RYR2: variants seen among roughly 807,000 people sequenced by gnomAD.
The protein encoded by RYR2 is cardiac muscle ryanodine receptor-calcium release channel.
In RYR2, 227 loss-of-function variants were observed where a neutral mutation model predicts 601.1. The ratio of observed to expected loss-of-function variants is 0.38; its 90% confidence interval spans 0.34 to 0.42. The LOEUF is 0.42. Among genes scored for constraint, RYR2 ranks in the 10% least tolerant of loss-of-function variants. The pLI is 1.00. For missense variants in RYR2, 4,646 were observed against 6,156.5 expected, an observed-to-expected ratio of 0.75 and a Z score of 8.21; for synonymous variants, 2,223 against 2,175.1, an observed-to-expected ratio of 1.02 and a Z score of -0.61.
chr1:237,657,043 G>C (rs1021748532), intron 53 of RYR2, among the ~76,000 whole-genome samples: 15 of 152,118 alleles, frequency 9.9e-5, no homozygotes, highest in South Asian at 2.1e-4. Flanking sequence ...TCATGGTTTT[G>C]GTGTTGGTTG....
intron 4 of RYR2, among the ~76,000 whole-genome samples, chr1:237,363,311 C>T (rs144605810): frequency 4.3e-4 from 66 of 152,128 alleles, no homozygotes; most frequent in African/African-American, 1.5e-3. Flanking sequence ...GGTAACTAAA[C>T]AGCCTGTATT....
Position 237,638,478 on chromosome 1 carries a change from C to T in RYR2, c.6914C>T (p.Ala2305Val), listed in dbSNP as rs1573267897. Residue 2305 changes from alanine to valine, a missense_variant, in exon 45 of 105, where the codon GCT becomes GTT. By Grantham distance (64) the Ala-to-Val change is moderately conservative (BLOSUM62 0). Coordinates refer to ENST00000366574, the MANE Select transcript of RYR2 (RefSeq NM_001035.3). ...GERYLDFLRF[A>V]VFCNGESVEE... ...AGATATCTTGACTTTCTTAGATTTG[C>T]TGTCTTCTGTAATGGTAGGACTTGA... 1 of 1,613,800 alleles carries T rather than the reference C, an allele frequency of 6.2e-7. No homozygotes were observed. Among genetic ancestry groups the T allele is most frequent in the East Asian group, 2.2e-5 (1 of 44,852 alleles).
chr1:237,626,039 A>G (rs1351068212), intron 40 of RYR2, among the ~76,000 whole-genome samples: 1 of 152,224 alleles, frequency 6.6e-6, no homozygotes, highest in Non-Finnish European at 1.5e-5. Context: ...TCCATAGAGA[A>G]CTAGAAATTT....
intron 1 of RYR2, among the ~76,000 whole-genome samples, chr1:237,242,198 TTTTGTTTGTTTG>T (rs55825600): frequency 2.7e-5 from 4 of 150,492 alleles, no homozygotes; most frequent in Non-Finnish European, 3.0e-5. Flanking sequence ...TCACTGTTTT[TTTTGTTTGTTTG>T]TTTGTTTGTT....
In RYR2 at chr1:237,370,948, C is replaced by T. The variant is rs112804465; in HGVS notation, c.384+1340C>T. On this transcript the variant is annotated intron_variant, in intron 6 of 104. Coordinates refer to ENST00000366574, the MANE Select transcript of RYR2 (RefSeq NM_001035.3). ...GTGCTGGGATTACAGGCATGAGCCACCGCGCCCGGCCTCATTCCATTCTTA... is the reference window on the plus strand; with the variant it reads ...GTGCTGGGATTACAGGCATGAGCCATCGCGCCCGGCCTCATTCCATTCTTA... Among the ~76,000 whole-genome samples the T allele has an allele frequency of 3.5e-3, 537 of 152,244 alleles. 3 individuals carry two copies. Among genetic ancestry groups the T allele is most frequent in the Non-Finnish European group, 5.8e-3 (395 of 68,010 alleles).
At chr1:237,177,633 A>G (rs1485429379) in intron 1 of RYR2, among the ~76,000 whole-genome samples, 1 of 152,226 alleles carries the variant, frequency 6.6e-6, no homozygotes, top group Non-Finnish European at 1.5e-5. Context: ...GCTATAGATC[A>G]TTTATATTCA....
At chr1:237,383,630 C>T (rs992638521) in intron 8 of RYR2, among the ~76,000 whole-genome samples, 5 of 151,844 alleles carry the variant, frequency 3.3e-5, no homozygotes, top group Non-Finnish European at 4.4e-5. Flanking sequence ...GGGGCTTCAC[C>T]GTGTTGGCCA....
chr1:237,510,399 G>A (rs1401563205), intron 23 of RYR2, among the ~76,000 whole-genome samples: 1 of 152,132 alleles, frequency 6.6e-6, no homozygotes, highest in Non-Finnish European at 1.5e-5. Context: ...TTATTTGTGG[G>A]TTCAACACAT....
intron 38 of RYR2, among the ~76,000 whole-genome samples, chr1:237,618,432 A>C (rs1678715279): frequency 6.6e-6 from 1 of 152,162 alleles, no homozygotes; most frequent in African/African-American, 2.4e-5. Flanking sequence ...AAGGCTCTGA[A>C]AGATAGAGAG....
At chr1:237,827,593 G>T (rs1217334390) in intron 101 of RYR2, among the ~76,000 whole-genome samples, 1 of 137,780 alleles carries the variant, frequency 7.3e-6, no homozygotes, top group Non-Finnish European at 1.5e-5. Context: ...TTGCACCACC[G>T]CACTCCAGCC....
At chr1:237,668,966 T>A in intron 58 of RYR2, among the ~76,000 whole-genome samples, 1 of 151,618 alleles carries the variant, frequency 6.6e-6, no homozygotes, top group East Asian at 1.9e-4. Flanking sequence ...GGAGGGAAGG[T>A]CAGCAGATAA....
chr1:237,558,420 C>T (rs1671121538), intron 27 of RYR2, among the ~76,000 whole-genome samples: 1 of 152,128 alleles, frequency 6.6e-6, no homozygotes, highest in African/African-American at 2.4e-5. Flanking sequence ...TTTTAGTACT[C>T]AGATATATCA....
intron 1 of RYR2, among the ~76,000 whole-genome samples, chr1:237,259,339 C>G (rs1187522047): frequency 2.0e-5 from 3 of 151,968 alleles, no homozygotes; most frequent in Non-Finnish European, 2.9e-5. Flanking sequence ...GAAACTCTCT[C>G]TCTACTACAA....
chr1:237,118,573 AT>A (rs1670399418), intron 1 of RYR2, among the ~76,000 whole-genome samples: 1 of 151,860 alleles, frequency 6.6e-6, no homozygotes. Context: ...GGGAGGGAAA[AT>A]AGGGAGTTAT....
chr1:237,180,568 ATG>A lies in RYR2; in HGVS notation c.49-89917_49-89916del, dbSNP rs970106733. 3.3e-5 allele frequency among the ~76,000 whole-genome samples: 5 copies of A among 149,610 alleles called. No homozygotes were observed. The highest frequency in any genetic ancestry group is 4.4e-5 in the Non-Finnish European group (3 of 67,626). ...GATTGAAAAAAACCCAAATATATAT[ATG>A]TGTGTGTGTGTATATATGTATATAT... On this transcript the variant is annotated intron_variant, in intron 1 of 104. Transcript: ENST00000366574. This position sits in a 1 kb window ranked among gnomAD's most constrained non-coding sequence, Gnocchi z 5.3.
At chr1:237,806,828 G>A (rs1320053181) in intron 99 of RYR2, among the ~76,000 whole-genome samples, 3 of 152,186 alleles carry the variant, frequency 2.0e-5, no homozygotes, top group Non-Finnish European at 2.9e-5. Flanking sequence ...GAAGAAAACT[G>A]GTCTAGGTCC....
chr1:237,593,622 A>G lies in RYR2; in HGVS notation c.4422A>G (p.Gly1474=). ...CAGTTACTCTAGGAGATGAAAAAGG[A>G]AAAGTGCATGAAAGGTTAGTTTTCC... ...TVTVTLGDEK[G]KVHESIKRSN... The change falls in exon 33 of 105, where the codon GGA becomes GGG. Residue 1474 remains glycine (G), a synonymous_variant. Coordinates refer to ENST00000366574, the MANE Select transcript of RYR2 (RefSeq NM_001035.3). 2 of 1,613,864 alleles carry G rather than the reference A, an allele frequency of 1.2e-6. No individual in the cohort carries two copies. The highest frequency in any genetic ancestry group is 1.7e-6 in the Non-Finnish European group (2 of 1,179,794).
At chr1:237,100,872 C>T (rs887767353) in intron 1 of RYR2, among the ~76,000 whole-genome samples, 1 of 152,110 alleles carries the variant, frequency 6.6e-6, no homozygotes, top group Non-Finnish European at 1.5e-5. Context: ...ATGGGGCCCC[C>T]TTCTGCCCTG....
At chr1:237,329,940 CA>C (rs1240832681) in intron 2 of RYR2, among the ~76,000 whole-genome samples, 2 of 152,150 alleles carry the variant, frequency 1.3e-5, no homozygotes, top group African/African-American at 4.8e-5. Flanking sequence ...AAGTTAGAGG[CA>C]AAATATAGCA....
Sources: gnomAD v4.1 joint callset for allele counts (sites outside exome capture counted in the v4.1 genomes callset) on GRCh38, gnomAD v4.1.1 for gene constraint, Gnocchi (gnomAD v3.1) non-coding constraint, MANE v1.5 for transcripts, NCBI Gene and HGNC (gene_info 2026-07-23, HGNC 2026-07-21) for gene names.